The following PCDHGA5 variants were observed in gnomAD, a reference collection of about 807,000 sequenced individuals.
PCDHGA5 encodes the protein protocadherin gamma-A5.
In PCDHGA5, 36 loss-of-function variants were observed where a neutral mutation model predicts 56.7. That is an observed-to-expected ratio of 0.64 (90% CI 0.49 to 0.84). The LOEUF is 0.84. Ranked by LOEUF, PCDHGA5 falls within the 40% of genes least tolerant of loss-of-function variation. The pLI is 0.00. For missense variants in PCDHGA5, 1,305 were observed against 1,201.5 expected (o/e 1.09, Z -1.27); for synonymous variants, 563 against 520.2 (o/e 1.08, Z -1.12).
At chr5:141,409,707 C>T in intron 1 of PCDHGA5, 1 of 1,613,248 alleles carries the variant, frequency 6.2e-7, no homozygotes, top group Non-Finnish European at 8.5e-7. Flanking sequence ...CTGGCGGTGT[C>T]GTCATACGTG....
chr5:141,409,577 G>A, intron 1 of PCDHGA5: 1 of 1,613,920 alleles, frequency 6.2e-7, no homozygotes, highest in South Asian at 1.1e-5. Context: ...GTCCTACGTG[G>A]TCCACGTGGC....
chr5:141,419,505 G>A lies in PCDHGA5; in HGVS notation c.2421+52754G>A, dbSNP rs115850576. The A allele has an allele frequency of 8.4e-4, 1,351 of 1,612,324 alleles. 13 individuals are homozygous for A. In the African/African-American group the frequency reaches 0.015, roughly 18 times the overall value. The stretch of plus-strand genomic sequence containing the variant: ...GCGCTCAGCGCCAATGTGAGCCTGC[G>A]CGTGTTGGTGGGCGACCGTAACGAC... On this transcript the variant is annotated intron_variant, in intron 1 of 3. Transcript: ENST00000518069.
At chr5:141,405,251 C>T (rs1462013657) in intron 1 of PCDHGA5, 1 of 1,614,124 alleles carries the variant, frequency 6.2e-7, no homozygotes, top group Admixed American at 1.7e-5. Context: ...AAGGAAGAGT[C>T]ACCTGATCTT....
At chr5:141,374,687 C>A in intron 1 of PCDHGA5, 1 of 1,609,446 alleles carries the variant, frequency 6.2e-7, no homozygotes, top group Non-Finnish European at 8.5e-7. Flanking sequence ...CACACTGGAC[C>A]GGGAAGGAGA....
In PCDHGA5 at chr5:141,388,623, T is replaced by C. The variant is rs767536532; in HGVS notation, c.2421+21872T>C. On this transcript the variant is annotated intron_variant, in intron 1 of 3. Transcript: ENST00000518069. Reference sequence around the variant, plus strand: ...TGCTCCAGTGTTCAGTCAAGACGTATACAGGGTGAGCCTTTCAGAAAACGT... The same window carrying C: ...TGCTCCAGTGTTCAGTCAAGACGTACACAGGGTGAGCCTTTCAGAAAACGT... 3.6e-5 allele frequency: 58 copies of C among 1,613,846 alleles called. No individual in the cohort carries two copies. The highest frequency in any genetic ancestry group is 4.8e-5 in the Non-Finnish European group (57 of 1,179,886).
At chr5:141,384,078 A>G in intron 1 of PCDHGA5, 1 of 1,598,728 alleles carries the variant, frequency 6.3e-7, no homozygotes. Context: ...TACCTTTTAA[A>G]TTAGAAAAAT....
intron 1 of PCDHGA5, chr5:141,374,829 T>A: frequency 1.2e-6 from 2 of 1,613,956 alleles, no homozygotes; most frequent in South Asian, 1.1e-5. Flanking sequence ...GTCTACCGTG[T>A]AAGTGTTCCT....
intron 1 of PCDHGA5, among the ~76,000 whole-genome samples, chr5:141,462,382 C>T (rs80320684): frequency 0.016 from 2,433 of 152,148 alleles, 70 homozygotes; most frequent in African/African-American, 0.055. Flanking sequence ...CTTTTAAATT[C>T]GTTAACATTT....
At position 141,491,116 on chromosome 5, in the gene PCDHGA5, GGT is replaced by G. The variant is rs2099708409; in HGVS notation, c.2422-3689_2422-3688del. The G allele has an allele frequency of 1.2e-6, 2 of 1,614,178 alleles. No individual in the cohort carries two copies. Among genetic ancestry groups the G allele is most frequent in the Non-Finnish European group, 1.7e-6 (2 of 1,180,024 alleles). On this transcript the variant is annotated intron_variant, in intron 1 of 3. Transcript: ENST00000518069. This position sits in a 1 kb window ranked among gnomAD's most constrained non-coding sequence, Gnocchi z 6.9. Reference sequence around the variant, plus strand: ...ACTGTTCCTCGTGTCTACACACACTGGTGAGGTGCGCACAGCCCGGGCCTTAC... The same window carrying G: ...ACTGTTCCTCGTGTCTACACACACTGGAGGTGCGCACAGCCCGGGCCTTAC...
At chr5:141,427,861 T>G (rs776215800) in intron 1 of PCDHGA5, 2 of 1,556,958 alleles carry the variant, frequency 1.3e-6, no homozygotes, top group Admixed American at 1.7e-5. Flanking sequence ...CTGTGCGCCT[T>G]CGAGCTCACG....
At chr5:141,421,407 G>T in intron 1 of PCDHGA5, 1 of 1,614,076 alleles carries the variant, frequency 6.2e-7, no homozygotes. Flanking sequence ...CCCGGGAGCT[G>T]GCGAAGCGCG....
chr5:141,375,462 A>G, intron 1 of PCDHGA5: 2 of 1,613,908 alleles, frequency 1.2e-6, no homozygotes, highest in Non-Finnish European at 1.7e-6. Flanking sequence ...TACTCAGTCT[A>G]TGTCCTTGAA....
intron 1 of PCDHGA5, among the ~76,000 whole-genome samples, chr5:141,435,604 A>T (rs1361568996): frequency 6.6e-6 from 1 of 152,180 alleles, no homozygotes. Flanking sequence ...CCTGCTTTTT[A>T]CATTAAATTC....
intron 1 of PCDHGA5, chr5:141,384,766 A>T (rs1277766667): frequency 6.2e-7 from 1 of 1,613,916 alleles, no homozygotes; most frequent in South Asian, 1.1e-5. Context: ...TGGGCTGTAC[A>T]CGGGCGAGGT....
chr5:141,441,547 A>G (rs1393958373), intron 1 of PCDHGA5: 1 of 182,772 alleles, frequency 5.5e-6, no homozygotes, highest in Admixed American at 6.4e-5. Context: ...CAAAGCCTCC[A>G]TAGTGTGCAA....
chr5:141,490,229 T>C lies in PCDHGA5; in HGVS notation c.2422-4578T>C. The C allele has an allele frequency of 6.2e-7, 1 of 1,614,198 alleles. No individual in the cohort carries two copies. Among genetic ancestry groups the C allele is most frequent in the Non-Finnish European group, 8.5e-7 (1 of 1,180,034 alleles). On this transcript the variant is annotated intron_variant, in intron 1 of 3. Coordinates refer to ENST00000518069, the MANE Select transcript of PCDHGA5 (RefSeq NM_018918.3). The surrounding 1 kb of genome is among the most constrained non-coding windows in gnomAD (Gnocchi z 5.4). ...GCCCGTGACCAGGGACAGCCTGCCA[T>C]GGAGGGCCACTGTGTGATTCAAGTG... is the stretch of plus-strand genomic sequence containing the variant.
intron 1 of PCDHGA5, among the ~76,000 whole-genome samples, chr5:141,402,740 C>A (rs2094301178): frequency 6.6e-6 from 1 of 152,146 alleles, no homozygotes; most frequent in Non-Finnish European, 1.5e-5. Context: ...CGCTGTTGAT[C>A]AACTCTAAGC....
At position 141,387,642 on chromosome 5, in the gene PCDHGA5, C is replaced by A. The variant is rs554256672; in HGVS notation, c.2421+20891C>A. The A allele has an allele frequency of 6.9e-5, 43 of 622,250 alleles. No homozygotes were observed. In the African/African-American group the frequency reaches 7.8e-4, roughly 11 times the overall value. 38.5% of individuals were successfully genotyped at this position (622,250 alleles called of 1,614,324 possible). On this transcript the variant is annotated intron_variant, in intron 1 of 3. Transcript: ENST00000518069. ...TGCTGACTCTGGGCGCCGCTGTTGG[C>A]CAAAGTGGAGAGCTTGGCGCTCCAG...
chr5:141,490,890 G>C lies in PCDHGA5; in HGVS notation c.2422-3917G>C, dbSNP rs751713801. The C allele has an allele frequency of 9.9e-6, 16 of 1,613,306 alleles. No homozygotes were observed. The South Asian group carries it at 1.2e-4, about 12-fold the overall frequency. On this transcript the variant is annotated intron_variant, in intron 1 of 3. Transcript: ENST00000518069. This position sits in a 1 kb window ranked among gnomAD's most constrained non-coding sequence, Gnocchi z 5.4. ...CCCCATTGCATGCCAACACATCTCT[G>C]CATGTGTTTGTCCTAGACGAGAATG...
Sources: allele counts gnomAD v4.1 joint callset (sites outside exome capture counted in the v4.1 genomes callset), GRCh38; gene constraint gnomAD v4.1.1; non-coding constraint Gnocchi (gnomAD v3.1); transcripts MANE v1.5; gene names NCBI Gene and HGNC (gene_info 2026-07-23, HGNC 2026-07-21).